The following COL19A1 variants were observed in gnomAD, a reference collection of about 807,000 sequenced individuals.
The protein encoded by COL19A1 is collagen alpha-1(XIX) chain.
Under a neutral mutation model 190.2 loss-of-function variants are expected in COL19A1, and 159 were observed. The observed-to-expected ratio is 0.84, with a 90% CI of 0.73 to 0.95. The LOEUF is 0.95. COL19A1 is among the 40% of genes least tolerant of loss of function. The pLI is 0.00. For synonymous variants in COL19A1, 509 were observed against 458.9 expected (o/e 1.11, Z -1.39); for missense variants, 1,418 against 1,431.9 (o/e 0.99, Z 0.16).
intron 14 of COL19A1, among the ~76,000 whole-genome samples, chr6:70,068,212 T>G (rs1781357704): frequency 6.6e-6 from 1 of 151,950 alleles, no homozygotes; most frequent in South Asian, 2.1e-4. Context: ...TGGGTCTGCC[T>G]TTTTTTCTTT....
chr6:69,941,717 C>G lies in COL19A1; in HGVS notation c.936+3617C>G, dbSNP rs1488226569. Among the ~76,000 whole-genome samples, 3 of 143,064 alleles carry G rather than the reference C, an allele frequency of 2.1e-5. No homozygotes were observed. The Admixed American group carries it at 2.1e-4, about 10-fold the overall frequency. 93.9% of individuals were successfully genotyped at this position (143,064 alleles called of 152,430 possible). ...TTTTTTTTTTTTTTTTAGACAGAGA[C>G]TTGCTCTGTCACCCAGGCTGGAGTG... On this transcript the variant is annotated intron_variant, in intron 9 of 50. Transcript: ENST00000620364.
rs1356839888 is a variant in COL19A1, at chr6:70,168,689, T to C, written c.2568+8T>C. Reference sequence around the variant, plus strand: ...GGCGATCCTGGCCCAGTGGTATGAATGTTCCCATGTTTTGTGTCATTTAGA... The same window carrying C: ...GGCGATCCTGGCCCAGTGGTATGAACGTTCCCATGTTTTGTGTCATTTAGA... On this transcript the variant is annotated splice_region_variant and intron_variant, in intron 40 of 50. Transcript: ENST00000620364. The C allele has an allele frequency of 1.2e-6, 2 of 1,612,956 alleles. No individual in the cohort carries two copies. The highest frequency in any genetic ancestry group is 1.1e-5 in the South Asian group (1 of 90,892).
intron 15 of COL19A1, among the ~76,000 whole-genome samples, chr6:70,087,693 G>A (rs956677933): frequency 5.7e-4 from 87 of 152,166 alleles, no homozygotes; most frequent in African/African-American, 2.0e-3. Flanking sequence ...ATTCAAGTCT[G>A]AAAACTTCAA....
At chr6:70,062,159 T>A (rs1261920672) in intron 14 of COL19A1, among the ~76,000 whole-genome samples, 2 of 152,060 alleles carry the variant, frequency 1.3e-5, no homozygotes, top group African/African-American at 4.8e-5. Flanking sequence ...ATAAATTTCA[T>A]TCAACTGTTG....
chr6:69,990,417 A>C (rs780967940), intron 11 of COL19A1, among the ~76,000 whole-genome samples: 1 of 152,130 alleles, frequency 6.6e-6, no homozygotes, highest in Non-Finnish European at 1.5e-5. Flanking sequence ...CAATAGTATC[A>C]TAAAATCATA....
intron 11 of COL19A1, among the ~76,000 whole-genome samples, chr6:69,968,374 C>A (rs1775241067): frequency 6.6e-6 from 1 of 151,978 alleles, no homozygotes; most frequent in African/African-American, 2.4e-5. Flanking sequence ...TCATATAGTC[C>A]TAGGCTCATA....
chr6:69,918,296 C>T (rs1213475348), intron 4 of COL19A1, among the ~76,000 whole-genome samples: 1 of 152,142 alleles, frequency 6.6e-6, no homozygotes, highest in East Asian at 1.9e-4. Flanking sequence ...GGAGGACAAT[C>T]AGGACACTAT....
At chr6:70,154,643 C>T (rs1012138041) in intron 31 of COL19A1, among the ~76,000 whole-genome samples, 12 of 152,114 alleles carry the variant, frequency 7.9e-5, no homozygotes, top group Non-Finnish European at 1.3e-4. Context: ...AGGCTGTCTG[C>T]AAGTCGAAGA....
chr6:70,157,843 G>A (rs1296927740), intron 34 of COL19A1, among the ~76,000 whole-genome samples: 1 of 152,074 alleles, frequency 6.6e-6, no homozygotes, highest in Admixed American at 6.6e-5. Flanking sequence ...AATTGAGAAG[G>A]TAATAACAAA....
chr6:70,045,558 A>G (rs115990969), intron 14 of COL19A1, among the ~76,000 whole-genome samples: 22 of 152,306 alleles, frequency 1.4e-4, no homozygotes, highest in Middle Eastern at 6.8e-3. Context: ...CTTGACTCGC[A>G]TAGCAAACTC....
At chr6:69,913,514 G>A (rs1421392369) in intron 4 of COL19A1, among the ~76,000 whole-genome samples, 1 of 152,184 alleles carries the variant, frequency 6.6e-6, no homozygotes, top group Non-Finnish European at 1.5e-5. Context: ...GAAGTGAAAA[G>A]TTGAGCCTTG....
chr6:70,099,567 A>T (rs1783499225), intron 15 of COL19A1, among the ~76,000 whole-genome samples: 2 of 152,056 alleles, frequency 1.3e-5, no homozygotes, highest in Admixed American at 6.6e-5. Context: ...ATTACAAAAC[A>T]CTTCTGGTTC....
At chr6:70,051,855 G>C (rs1455005072) in intron 14 of COL19A1, among the ~76,000 whole-genome samples, 1 of 151,942 alleles carries the variant, frequency 6.6e-6, no homozygotes, top group African/African-American at 2.4e-5. Flanking sequence ...TATTCAATTT[G>C]TCTCATATAG....
In COL19A1 at chr6:70,024,610, TGTGTGGGTGTGTGG is replaced by T. The variant is rs1443085386; in HGVS notation, c.1080+936_1080+949del. 7.3e-5 allele frequency among the ~76,000 whole-genome samples: 10 copies of T among 137,550 alleles called. 1 individual carries two copies. The highest frequency in any genetic ancestry group is 4.6e-4 in the South Asian group (2 of 4,370). The allele number at this position is 137,550 out of a possible 152,430, so 90.2% of individuals were successfully genotyped here. A position where few individuals can be genotyped will look rare whatever the true frequency, so the allele number is the denominator to read the frequency against. On this transcript the variant is annotated intron_variant, in intron 12 of 50. Transcript: ENST00000620364. ...GTGTGTGTGTGTGTGTGTGTGTGTG[TGTGTGGGTGTGTGG>T]GTGTGTGTGTGTGGAGTCTCCCAAA...
chr6:70,199,780 C>G (rs368930978), intron 49 of COL19A1, 44 bp downstream of exon 49: 9 of 1,547,434 alleles, frequency 5.8e-6, no homozygotes, highest in East Asian at 2.3e-5. Flanking sequence ...TTTTAACTCT[C>G]TGTATTTATA....
intron 4 of COL19A1, among the ~76,000 whole-genome samples, chr6:69,918,284 AAGG>A (rs768332209): frequency 3.3e-5 from 5 of 152,172 alleles, no homozygotes; most frequent in Non-Finnish European, 5.9e-5. Flanking sequence ...AAAGGCAAAG[AAGG>A]AGGACAATCA....
intron 9 of COL19A1, among the ~76,000 whole-genome samples, chr6:69,947,986 T>G (rs1440459054): frequency 6.6e-6 from 1 of 151,872 alleles, no homozygotes; most frequent in African/African-American, 2.4e-5. Flanking sequence ...TTCTTCATCA[T>G]AAATAAAAGC....
At chr6:70,123,438 T>C (rs564666374) in intron 17 of COL19A1, among the ~76,000 whole-genome samples, 210 of 151,334 alleles carry the variant, frequency 1.4e-3, no homozygotes, top group Non-Finnish European at 2.2e-3. Flanking sequence ...TACCATTTGA[T>C]CCAGCCATCC....
At chr6:70,026,104 A>T (rs745922073) in intron 12 of COL19A1, among the ~76,000 whole-genome samples, 2 of 152,248 alleles carry the variant, frequency 1.3e-5, no homozygotes, top group Non-Finnish European at 2.9e-5. Flanking sequence ...ATTGAAATAG[A>T]AAGAGGAGTT....
Sources: gnomAD v4.1 joint callset for allele counts (sites outside exome capture counted in the v4.1 genomes callset) on GRCh38, gnomAD v4.1.1 for gene constraint, MANE v1.5 for transcripts, NCBI Gene and HGNC (gene_info 2026-07-23, HGNC 2026-07-21) for gene names.